NEDD4L: variants seen among roughly 807,000 people sequenced by gnomAD.
NEDD4L encodes the protein NEDD4 like E3 ubiquitin protein ligase, also known as E3 ubiquitin-protein ligase NEDD4-like.
NEDD4L carries 54 observed loss-of-function variants against 148.9 expected under a neutral mutation model. The ratio of observed to expected loss-of-function variants is 0.36; its 90% confidence interval spans 0.29 to 0.45. NEDD4L has a LOEUF of 0.45. Among genes scored for constraint, NEDD4L ranks in the 20% least tolerant of loss-of-function variants. The pLI is 1.00. For synonymous variants in NEDD4L, 433 were observed against 440.7 expected, an observed-to-expected ratio of 0.98 and a Z score of 0.22; for missense variants, 856 against 1,233.8, an observed-to-expected ratio of 0.69 and a Z score of 4.59.
At chr18:58,205,296 A>G (rs1324990929) in intron 2 of NEDD4L, among the ~76,000 whole-genome samples, 4 of 151,904 alleles carry the variant, frequency 2.6e-5, no homozygotes, top group Admixed American at 6.6e-5. Flanking sequence ...CTAACACACC[A>G]AGTAATCTGT....
chr18:58,308,689 C>T (rs560832457), intron 5 of NEDD4L, among the ~76,000 whole-genome samples: 1 of 152,218 alleles, frequency 6.6e-6, no homozygotes, highest in Non-Finnish European at 1.5e-5. Context: ...GACAGCTGGT[C>T]CTGCACTCAG....
chr18:58,195,444 C>A (rs138460994), intron 2 of NEDD4L: 9 of 1,319,316 alleles, frequency 6.8e-6, no homozygotes, highest in Middle Eastern at 3.2e-4. Flanking sequence ...GGCAGGCATC[C>A]GCGGCAGCAG....
chr18:58,083,946 G>A (rs2083607364), intron 1 of NEDD4L, among the ~76,000 whole-genome samples: 1 of 152,180 alleles, frequency 6.6e-6, no homozygotes, highest in African/African-American at 2.4e-5. Context: ...GGCCGGCCTG[G>A]TCTTGAACTC....
intron 1 of NEDD4L, among the ~76,000 whole-genome samples, chr18:58,056,293 A>T (rs1490606950): frequency 1.3e-5 from 2 of 152,220 alleles, no homozygotes; most frequent in African/African-American, 4.8e-5. Flanking sequence ...CTGACAGTTG[A>T]TGGCATCTTA....
chr18:58,231,725 G>C (rs2045265312), intron 2 of NEDD4L, among the ~76,000 whole-genome samples: 1 of 152,114 alleles, frequency 6.6e-6, no homozygotes, highest in Admixed American at 6.5e-5. Context: ...ACCATGCCCG[G>C]CTAATTTTTT....
Position 58,328,110 on chromosome 18 carries a change from A to G in NEDD4L, c.681-885A>G, listed in dbSNP as rs890882355. Among the ~76,000 whole-genome samples, 5 of 152,184 alleles carry G rather than the reference A, an allele frequency of 3.3e-5. No homozygotes were observed. In the East Asian group the frequency reaches 5.8e-4, roughly 18 times the overall value. On this transcript the variant is annotated intron_variant, in intron 9 of 30. Transcript: ENST00000400345. Reference sequence around the variant, plus strand: ...CTCCTGAGTAGCTGGGACTACAGGCACGCATCACCACACTCGGCTAATTTT... The same window carrying G: ...CTCCTGAGTAGCTGGGACTACAGGCGCGCATCACCACACTCGGCTAATTTT...
intron 2 of NEDD4L, among the ~76,000 whole-genome samples, chr18:58,167,437 A>G (rs1016349766): frequency 6.6e-6 from 1 of 152,222 alleles, no homozygotes; most frequent in African/African-American, 2.4e-5. Flanking sequence ...TTTGCTCTCT[A>G]CCAAAGCCCA....
At chr18:58,393,504 C>G (rs2050096219) in intron 30 of NEDD4L, among the ~76,000 whole-genome samples, 1 of 152,212 alleles carries the variant, frequency 6.6e-6, no homozygotes, top group Non-Finnish European at 1.5e-5. Flanking sequence ...TTATTTTCCT[C>G]TTTATGTGTC....
chr18:58,103,678 G>A (rs1262544400), intron 1 of NEDD4L, among the ~76,000 whole-genome samples: 6 of 152,296 alleles, frequency 3.9e-5, no homozygotes, highest in African/African-American at 9.6e-5. Flanking sequence ...ATTGGTGAAC[G>A]AAGATAAAAG....
At chr18:58,183,276 T>G (rs2039054952) in intron 2 of NEDD4L, among the ~76,000 whole-genome samples, 1 of 152,210 alleles carries the variant, frequency 6.6e-6, no homozygotes, top group Non-Finnish European at 1.5e-5. Flanking sequence ...TTCCTCCAAA[T>G]AAACCCTGTG....
chr18:58,271,866 T>C (rs2051091899), intron 5 of NEDD4L, among the ~76,000 whole-genome samples: 1 of 152,216 alleles, frequency 6.6e-6, no homozygotes, highest in Admixed American at 6.5e-5. Flanking sequence ...TAATAATGAA[T>C]GTGCTTCTCT....
At chr18:58,108,902 T>A (rs1278640385) in intron 1 of NEDD4L, among the ~76,000 whole-genome samples, 6 of 152,220 alleles carry the variant, frequency 3.9e-5, no homozygotes, top group Admixed American at 3.9e-4. Context: ...CACATCACAT[T>A]GGATTGCCAC....
At chr18:58,385,637 G>A (rs973612707) in intron 26 of NEDD4L, 51 bp downstream of exon 26, 27 of 1,440,650 alleles carry the variant, frequency 1.9e-5, no homozygotes, top group East Asian at 1.4e-4. Context: ...GTCCCGGGTC[G>A]ATGGGGGATC....
intron 1 of NEDD4L, among the ~76,000 whole-genome samples, chr18:58,126,380 T>A (rs147340495): frequency 6.6e-6 from 1 of 152,318 alleles, no homozygotes; most frequent in Non-Finnish European, 1.5e-5. Flanking sequence ...ATAAACGGAA[T>A]CATACTAGGG....
rs2050803269 is a variant in NEDD4L at position 58,400,860 on chromosome 18, G to A, written c.*4591G>A. ...TCACGGTTTCCTTCATGTTAACTTTGCGTGACTTTGTTCTTCCTTTACTAC... is the reference window on the plus strand; with the variant it reads ...TCACGGTTTCCTTCATGTTAACTTTACGTGACTTTGTTCTTCCTTTACTAC... On this transcript the variant is annotated 3_prime_UTR_variant, in exon 31 of 31. Coordinates refer to ENST00000400345, the MANE Select transcript of NEDD4L (RefSeq NM_001144967.3). 6.6e-6 allele frequency: 1 copy of A among 152,046 alleles called. No homozygotes were observed. The highest frequency in any genetic ancestry group is 1.5e-5 in the Non-Finnish European group (1 of 68,026). 9.4% of individuals were successfully genotyped at this position (152,046 alleles called of 1,614,324 possible).
intron 2 of NEDD4L, among the ~76,000 whole-genome samples, chr18:58,181,950 T>C (rs887688694): frequency 4.6e-5 from 7 of 152,222 alleles, no homozygotes; most frequent in African/African-American, 1.7e-4. Flanking sequence ...TTTTTTGTAT[T>C]GTTATCCCTT....
chr18:58,394,517 C>T (rs566235375), intron 30 of NEDD4L, among the ~76,000 whole-genome samples: 26 of 152,360 alleles, frequency 1.7e-4, no homozygotes, highest in African/African-American at 5.3e-4. Flanking sequence ...AAGCCACTTT[C>T]GGTGAAAGGC....
chr18:58,378,408 GA>G (rs2047860135), intron 24 of NEDD4L, among the ~76,000 whole-genome samples: 1 of 152,240 alleles, frequency 6.6e-6, no homozygotes, highest in Non-Finnish European at 1.5e-5. Context: ...AATGGTCAAT[GA>G]GGGAGAGGGC....
chr18:58,226,917 A>T (rs1376877904), intron 2 of NEDD4L, among the ~76,000 whole-genome samples: 1 of 152,172 alleles, frequency 6.6e-6, no homozygotes, highest in Admixed American at 6.5e-5. Context: ...TAAAAAAAAA[A>T]ACCTGATCTT....
Sources: allele counts gnomAD v4.1 joint callset (sites outside exome capture counted in the v4.1 genomes callset), GRCh38; gene constraint gnomAD v4.1.1; transcripts MANE v1.5; gene names NCBI Gene and HGNC (gene_info 2026-07-23, HGNC 2026-07-21).